The following KCNN2 variants were observed in gnomAD, a reference collection of about 807,000 sequenced individuals.
KCNN2 encodes the protein small conductance calcium-activated potassium channel protein 2.
KCNN2 carries 24 observed loss-of-function variants against 55.5 expected under a neutral mutation model. That is an observed-to-expected ratio of 0.43 (90% CI 0.31 to 0.61). The LOEUF (loss-of-function observed/expected upper bound fraction) is 0.61, where lower values mean the gene tolerates loss of function less well. KCNN2 is among the 20% of genes least tolerant of loss of function. The pLI is 0.08. For synonymous variants in KCNN2, 431 were observed against 336.1 expected, an observed-to-expected ratio of 1.28 and a Z score of -3.09; for missense variants, 754 against 853.6, an observed-to-expected ratio of 0.88 and a Z score of 1.45.
At chr5:114,446,849 C>T (rs976735322) in intron 3 of KCNN2, among the ~76,000 whole-genome samples, 10 of 152,032 alleles carry the variant, frequency 6.6e-5, no homozygotes, top group African/African-American at 2.2e-4. Context: ...TTGCAGTGAG[C>T]CGAGATCACA....
intron 5 of KCNN2, among the ~76,000 whole-genome samples, chr5:114,483,247 A>AAT (rs964397050): frequency 7.3e-5 from 11 of 150,752 alleles, no homozygotes; most frequent in Non-Finnish European, 1.2e-4. Context: ...CACTAACAAT[A>AAT]ATGTAGTAGT....
At chr5:114,344,466 G>A (rs1473895872) in intron 2 of KCNN2, among the ~76,000 whole-genome samples, 1 of 152,204 alleles carries the variant, frequency 6.6e-6, no homozygotes, top group Non-Finnish European at 1.5e-5. Context: ...TATGCATGGA[G>A]TATTAACAAC....
In KCNN2 at chr5:114,144,455, A is replaced by C. The variant is rs1752354384; in HGVS notation, c.-270-77025A>C. 2.0e-5 allele frequency among the ~76,000 whole-genome samples: 3 copies of C among 152,162 alleles called. No homozygotes were observed. The South Asian group carries it at 6.2e-4, about 32-fold the overall frequency. ...AGTCACCGTAGCAGCAATCAAGCCC[A>C]TCATTACTGCAATTAATGTAAAAAT... On this transcript the variant is annotated intron_variant, in intron 1 of 10. Transcript: ENST00000512097.
chr5:114,386,757 A>C (rs1758301901), intron 2 of KCNN2, among the ~76,000 whole-genome samples: 1 of 152,224 alleles, frequency 6.6e-6, no homozygotes, highest in Non-Finnish European at 1.5e-5. Flanking sequence ...AAGTTAAGGG[A>C]GTAGTTGACT....
chr5:114,202,711 T>C (rs943482281), intron 1 of KCNN2, among the ~76,000 whole-genome samples: 3 of 150,752 alleles, frequency 2.0e-5, no homozygotes, highest in Non-Finnish European at 4.4e-5. Context: ...CTCAGCCTCC[T>C]GAGTAGCTGG....
intron 2 of KCNN2, among the ~76,000 whole-genome samples, chr5:114,222,224 T>A (rs565172164): frequency 3.9e-4 from 60 of 152,294 alleles, no homozygotes; most frequent in African/African-American, 1.4e-3. Context: ...ATGAGGGGGA[T>A]CAGAGAAAAT....
Position 114,168,172 on chromosome 5 carries a change from T to TAC in KCNN2, c.-270-53307_-270-53306insCA, listed in dbSNP as rs769162956. On this transcript the variant is annotated intron_variant, in intron 1 of 10. Coordinates refer to the KCNN2 transcript ENST00000512097. ...ATATAATCATATATATGTGGATATA[T>TAC]ATACACACACACACACACACACACA... Among the ~76,000 whole-genome samples the TAC allele has an allele frequency of 1.2e-3, 152 of 127,216 alleles. 1 individual carries two copies. The Middle Eastern group carries it at 0.016, about 13-fold the overall frequency. The allele number at this position is 127,216 out of a possible 152,430, so 83.5% of individuals were successfully genotyped here.
intron 2 of KCNN2, among the ~76,000 whole-genome samples, chr5:114,307,992 T>TAC (rs931031317): frequency 2.6e-5 from 4 of 152,080 alleles, no homozygotes; most frequent in East Asian, 3.9e-4. Flanking sequence ...TTCCTCCTGA[T>TAC]ACACACACAC....
chr5:114,387,053 T>C (rs1039458785), intron 2 of KCNN2, among the ~76,000 whole-genome samples: 6 of 152,232 alleles, frequency 3.9e-5, no homozygotes, highest in Non-Finnish European at 8.8e-5. Context: ...TAACTTGTGT[T>C]GTAAAGAAAA....
chr5:114,462,508 C>T (rs774367091), intron 3 of KCNN2, among the ~76,000 whole-genome samples: 4 of 151,900 alleles, frequency 2.6e-5, no homozygotes, highest in Non-Finnish European at 5.9e-5. Flanking sequence ...GGGATGTGCC[C>T]GATACTCAGG....
At chr5:114,270,560 T>C (rs1441878686) in intron 2 of KCNN2, among the ~76,000 whole-genome samples, 2 of 152,224 alleles carry the variant, frequency 1.3e-5, no homozygotes, top group African/African-American at 2.4e-5. Context: ...AATGTTGATA[T>C]ATTAACATAT....
intron 2 of KCNN2, among the ~76,000 whole-genome samples, chr5:114,247,802 G>T (rs1161754349): frequency 2.6e-5 from 4 of 152,048 alleles, no homozygotes; most frequent in African/African-American, 9.7e-5. Flanking sequence ...GGTAGCCATT[G>T]TTGACATAGT....
At chr5:114,307,418 G>A (rs962208065) in intron 2 of KCNN2, among the ~76,000 whole-genome samples, 3 of 152,090 alleles carry the variant, frequency 2.0e-5, no homozygotes, top group Non-Finnish European at 4.4e-5. Context: ...TGATTGCTAC[G>A]CCGGTCTGGC....
intron 2 of KCNN2, among the ~76,000 whole-genome samples, chr5:114,272,413 C>CATA (rs77230453): frequency 0.17 from 3,709 of 21,854 alleles, 244 homozygotes; most frequent in Non-Finnish European, 0.42. Context: ...ATGTACATAT[C>CATA]TACACACATA....
intron 1 of KCNN2, among the ~76,000 whole-genome samples, chr5:114,097,510 C>A (rs1194762407): frequency 6.6e-6 from 1 of 152,146 alleles, no homozygotes; most frequent in African/African-American, 2.4e-5. Flanking sequence ...TAGTAGGTTT[C>A]ATTCACTATA....
Position 114,363,020 on chromosome 5 carries a change from A to T in KCNN2, c.881A>T (p.Tyr294Phe). The T allele has an allele frequency of 6.2e-7, 1 of 1,601,900 alleles. No individual in the cohort carries two copies. The highest frequency in any genetic ancestry group is 8.5e-7 in the Non-Finnish European group (1 of 1,176,726). Residue 294 changes from tyrosine (Y) to phenylalanine (F), a missense_variant, in exon 1 of 8, where the codon TAT becomes TTT. Transcript: ENST00000673685. ...EHNNSNNLAL[Y>F]GTGGGGSTGG... ...AACAACTCCAACAACCTGGCGCTCT[A>T]TGGAACCGGCGGCGGAGGCAGCACT... is the stretch of plus-strand genomic sequence containing the variant.
intron 4 of KCNN2, among the ~76,000 whole-genome samples, chr5:114,467,079 G>C (rs1761486612): frequency 6.6e-6 from 1 of 152,046 alleles, no homozygotes; most frequent in Non-Finnish European, 1.5e-5. Flanking sequence ...AATTTGCCCT[G>C]TGCCGAGGAA....
intron 1 of KCNN2, among the ~76,000 whole-genome samples, chr5:114,152,004 C>T (rs899669712): frequency 1.1e-4 from 17 of 152,186 alleles, no homozygotes; most frequent in Non-Finnish European, 2.1e-4. Flanking sequence ...TGTTTTTATT[C>T]ATGTGGAGCT....
chr5:114,477,117 C>T (rs1349829916), intron 5 of KCNN2, among the ~76,000 whole-genome samples: 1 of 90,610 alleles, frequency 1.1e-5, no homozygotes, highest in Non-Finnish European at 2.9e-5. Context: ...GAGAAAAATA[C>T]AACTATTCCC....
Sources: allele counts gnomAD v4.1 joint callset (sites outside exome capture counted in the v4.1 genomes callset), GRCh38; gene constraint gnomAD v4.1.1; transcripts MANE v1.5; gene names NCBI Gene and HGNC (gene_info 2026-07-23, HGNC 2026-07-21).